The following PDE1A variants were observed in gnomAD, a reference collection of about 807,000 sequenced individuals.
The protein encoded by PDE1A is phosphodiesterase 1A, also known as dual specificity calcium/calmodulin-dependent 3',5'-cyclic nucleotide phosphodiesterase 1A.
PDE1A carries 35 observed loss-of-function variants against 61.7 expected under a neutral mutation model. That is an observed-to-expected ratio of 0.57 (90% CI 0.43 to 0.75). The LOEUF (loss-of-function observed/expected upper bound fraction) is 0.75. PDE1A is among the 30% of genes least tolerant of loss of function. The pLI is 0.00. For missense variants in PDE1A, 597 were observed against 630.6 expected (o/e 0.95, Z 0.57); for synonymous variants, 232 against 213.2 (o/e 1.09, Z -0.77).
intron 1 of PDE1A, among the ~76,000 whole-genome samples, chr2:182,311,351 T>C (rs1574319285): frequency 6.6e-6 from 1 of 152,224 alleles, no homozygotes; most frequent in Admixed American, 6.5e-5. Flanking sequence ...AAAAATCAGG[T>C]TCATTGATGT....
the PDE1A span, among the ~76,000 whole-genome samples, chr2:182,641,588 A>G: frequency 6.6e-6 from 1 of 152,242 alleles, no homozygotes; most frequent in Non-Finnish European, 1.5e-5. Context: ...ATGATGAAAA[A>G]GAAGACAATG....
the PDE1A span, among the ~76,000 whole-genome samples, chr2:182,653,532 T>C: frequency 6.6e-5 from 10 of 152,314 alleles, no homozygotes; most frequent in Middle Eastern, 0.017. Flanking sequence ...ATTGCTTTTG[T>C]AAATCATACA....
At chr2:182,591,572 G>A in the PDE1A span, among the ~76,000 whole-genome samples, 1 of 148,098 alleles carries the variant, frequency 6.8e-6, no homozygotes, top group Non-Finnish European at 1.5e-5. Context: ...ATTCTGGGTT[G>A]TGTAATTCTT....
At chr2:182,637,523 G>A in the PDE1A span, among the ~76,000 whole-genome samples, 1 of 152,142 alleles carries the variant, frequency 6.6e-6, no homozygotes, top group African/African-American at 2.4e-5. Context: ...TTAAAGAAAA[G>A]AGCTCATATC....
At chr2:182,509,032 T>C (rs894589062) in intron 2 of PDE1A, among the ~76,000 whole-genome samples, 5 of 148,886 alleles carry the variant, frequency 3.4e-5, no homozygotes. Context: ...CATTGTTCAA[T>C]TCCCACCTAT....
chr2:182,271,575 C>A (rs1693028896), intron 1 of PDE1A, among the ~76,000 whole-genome samples: 1 of 152,016 alleles, frequency 6.6e-6, no homozygotes, highest in Admixed American at 6.6e-5. Context: ...TGTAAACATT[C>A]AAAGAGTTAG....
chr2:182,415,789 C>T (rs923311558), intron 1 of PDE1A, among the ~76,000 whole-genome samples: 2 of 152,034 alleles, frequency 1.3e-5, no homozygotes, highest in African/African-American at 2.4e-5. Flanking sequence ...TTTTCTCTCT[C>T]CATGTCTAGA....
At chr2:182,686,460 AAATT>A in the PDE1A span, among the ~76,000 whole-genome samples, 1 of 152,218 alleles carries the variant, frequency 6.6e-6, no homozygotes, top group Middle Eastern at 3.2e-3. Context: ...TGCCTTTAAA[AAATT>A]AATTGTGGCC....
chr2:182,502,611 AG>A lies in PDE1A; in HGVS notation c.101+19664del, dbSNP rs374774170. On this transcript the variant is annotated intron_variant, in intron 2 of 14. Coordinates refer to the PDE1A transcript ENST00000410103. ...TTGAGCATCTAATGGGCATCCCAAA[AG>A]CATGGATTTAAAAGAGGTTTTTATT... Among the ~76,000 whole-genome samples the A allele has an allele frequency of 1.3e-3, 201 of 152,334 alleles. 1 individual carries two copies. Among genetic ancestry groups the A allele is most frequent in the African/African-American group, 4.6e-3 (193 of 41,582 alleles).
At chr2:182,445,769 G>A (rs1283576239) in intron 2 of PDE1A, among the ~76,000 whole-genome samples, 1 of 152,058 alleles carries the variant, frequency 6.6e-6, no homozygotes, top group Non-Finnish European at 1.5e-5. Flanking sequence ...CATTATTGAA[G>A]CTTAAAAATA....
At chr2:182,631,467 T>C in the PDE1A span, among the ~76,000 whole-genome samples, 2 of 152,166 alleles carry the variant, frequency 1.3e-5, no homozygotes, top group East Asian at 3.8e-4. Flanking sequence ...AATGCCACAT[T>C]AGGGAAAGCC....
intron 1 of PDE1A, among the ~76,000 whole-genome samples, chr2:182,290,294 C>T (rs1694443068): frequency 6.6e-6 from 1 of 151,940 alleles, no homozygotes; most frequent in Non-Finnish European, 1.5e-5. Flanking sequence ...TTGTATGCAT[C>T]TTCTGGGTAA....
At chr2:182,562,208 T>A in the PDE1A span, among the ~76,000 whole-genome samples, 1 of 152,198 alleles carries the variant, frequency 6.6e-6, no homozygotes, top group East Asian at 1.9e-4. Flanking sequence ...AGATAGCTCT[T>A]ATTATGTTGA....
chr2:182,523,042 T>G (rs1690659439), upstream of PDE1A: 1 of 152,132 alleles, frequency 6.6e-6, no homozygotes, highest in South Asian at 2.1e-4. Flanking sequence ...AGAACACAGC[T>G]CCACAGGTTG....
chr2:182,628,662 T>C, the PDE1A span, among the ~76,000 whole-genome samples: 1 of 152,166 alleles, frequency 6.6e-6, no homozygotes, highest in Non-Finnish European at 1.5e-5. Flanking sequence ...TTTCTTTTCT[T>C]AATGTCTGTT....
intron 1 of PDE1A, among the ~76,000 whole-genome samples, chr2:182,417,053 A>G (rs1277509358): frequency 6.6e-6 from 1 of 152,158 alleles, no homozygotes; most frequent in Non-Finnish European, 1.5e-5. Flanking sequence ...ATAGACACAC[A>G]CTGTATGGCC....
intron 1 of PDE1A, among the ~76,000 whole-genome samples, chr2:182,380,873 C>G (rs373882406): frequency 6.6e-6 from 1 of 152,238 alleles, no homozygotes; most frequent in Non-Finnish European, 1.5e-5. Flanking sequence ...GGGCCATGAC[C>G]AGTTACTATG....
At chr2:182,150,723 T>C (rs945338899) in intron 13 of PDE1A, among the ~76,000 whole-genome samples, 1 of 152,204 alleles carries the variant, frequency 6.6e-6, no homozygotes, top group Non-Finnish European at 1.5e-5. Flanking sequence ...AGGGAGGGGA[T>C]AGTTGTTATA....
At chr2:182,185,913 A>G in exon 13 of PDE1A, 1 of 1,613,826 alleles carries the variant, frequency 6.2e-7, no homozygotes, top group East Asian at 2.2e-5. Flanking sequence ...AACTCTTTCC[A>G]CCTCTCTTTG....
Sources: allele counts gnomAD v4.1 joint callset (sites outside exome capture counted in the v4.1 genomes callset), GRCh38; gene constraint gnomAD v4.1.1; transcripts MANE v1.5; gene names NCBI Gene and HGNC (gene_info 2026-07-23, HGNC 2026-07-21).